Variants in MATN3 observed in about 807,000 individuals in gnomAD.
The protein encoded by MATN3 is matrilin 3.
Under a neutral mutation model 45.3 loss-of-function variants are expected in MATN3, and 48 were observed. The ratio of observed to expected loss-of-function variants is 1.06; its 90% CI spans 0.84 to 1.35. The LOEUF is 1.35. Among genes scored for constraint, MATN3 ranks in the 40% most tolerant of loss-of-function variants. The pLI is 0.00. For missense variants in MATN3, 599 were observed against 628.0 expected (o/e 0.95, Z 0.49); for synonymous variants, 217 against 245.9 (o/e 0.88, Z 1.10).
rs116138576 is a variant in MATN3 at position 20,002,803 on chromosome 2, C to T, written c.916+358G>A. Among the ~76,000 whole-genome samples, 318 of 151,996 alleles carry T rather than the reference C, an allele frequency of 2.1e-3. 2 individuals are homozygous for T. Among genetic ancestry groups the T allele is most frequent in the African/African-American group, 7.1e-3 (294 of 41,430 alleles). ...TATTTTTTGTAGAGATGGGGTCTCA[C>T]CATGTTCTCGAGGCTAATCTCGAAT... On this transcript the variant is annotated intron_variant, in intron 3 of 7. Coordinates refer to ENST00000407540, the MANE Select transcript of MATN3 (RefSeq NM_002381.5).
rs1301901352 is a variant in MATN3, at chr2:20,002,093, G to A, written c.917-13C>T. On this transcript the variant is annotated splice_polypyrimidine_tract_variant and intron_variant, in intron 3 of 7. Coordinates refer to ENST00000407540, the MANE Select transcript of MATN3 (RefSeq NM_002381.5). ...CACCTATCAAGAGCTATCAAAAGAT[G>A]ATTGGGACAAATGTAAATGCATGCA... 1 of 1,608,708 alleles carries A rather than the reference G, an allele frequency of 6.2e-7. No individual in the cohort carries two copies. The highest frequency in any genetic ancestry group is 1.3e-5 in the African/African-American group (1 of 74,750).
Position 19,995,025 on chromosome 2 carries a change from G to C in MATN3, c.1295-616C>G, listed in dbSNP as rs1672835626. On this transcript the variant is annotated intron_variant, in intron 6 of 7. Coordinates refer to ENST00000407540, the MANE Select transcript of MATN3 (RefSeq NM_002381.5). This position sits in a 1 kb window ranked among gnomAD's most constrained non-coding sequence, Gnocchi z 4.2. ...GGATCACTTGAGCCCAGGAGTTCAA[G>C]GCTGCAGTGAGCCATGATCACACCA... Among the ~76,000 whole-genome samples the C allele has an allele frequency of 1.3e-5, 2 of 152,184 alleles. No homozygotes were observed. The highest frequency in any genetic ancestry group is 6.5e-5 in the Admixed American group (1 of 15,286).
intron 2 of MATN3, chr2:20,003,989 A>G (rs1673043080): frequency 6.6e-6 from 1 of 152,238 alleles, no homozygotes; most frequent in Admixed American, 6.5e-5. Flanking sequence ...TCCTGGAGCC[A>G]TTTATATCTC....
intron 1 of MATN3, among the ~76,000 whole-genome samples, chr2:20,008,103 C>T (rs756571136): frequency 1.3e-5 from 2 of 152,162 alleles, no homozygotes; most frequent in Non-Finnish European, 2.9e-5. Context: ...GCTGGGACTA[C>T]AGGTGTGCGC....
rs780933792 is a variant in MATN3, at chr2:20,003,190, G to T, written c.887C>A (p.Thr296Asn). 6.2e-7 allele frequency: 1 copy of T among 1,613,892 alleles called. No individual in the cohort carries two copies. Among genetic ancestry groups the T allele is most frequent in the Admixed American group, 1.7e-5 (1 of 60,010 alleles). Residue 296 changes from threonine to asparagine, a missense_variant, in exon 3 of 8, where the codon ACC becomes AAC. Coordinates refer to ENST00000407540, the MANE Select transcript of MATN3 (RefSeq NM_002381.5). ...KHHCECSQGY[T>N]LNADKKTCSA... is the part of the protein sequence containing the mutation. ...ACACGTTTTCTTGTCGGCATTCAAGGTGTATCCTTGGCTACACTCACAGTG... is the reference window on the plus strand; with the variant it reads ...ACACGTTTTCTTGTCGGCATTCAAGTTGTATCCTTGGCTACACTCACAGTG...
At chr2:20,010,856 C>G (rs1055749240) in intron 1 of MATN3, among the ~76,000 whole-genome samples, 6 of 152,218 alleles carry the variant, frequency 3.9e-5, no homozygotes, top group Non-Finnish European at 4.4e-5. Flanking sequence ...AAACTAATAC[C>G]TGAGGCTTGA....
At chr2:20,009,480 G>C (rs1673176025) in intron 1 of MATN3, among the ~76,000 whole-genome samples, 1 of 151,958 alleles carries the variant, frequency 6.6e-6, no homozygotes, top group Admixed American at 6.6e-5. Flanking sequence ...CGCCTGTCAG[G>C]GGGTGGGGGG....
In MATN3 at chr2:19,997,060, A is replaced by C. The variant is rs527634322; in HGVS notation, c.1294+74T>G. The C allele has an allele frequency of 4.6e-5, 69 of 1,503,086 alleles. 1 individual carries two copies. In the South Asian group the frequency reaches 7.9e-4, roughly 17 times the overall value. 93.1% of individuals were successfully genotyped at this position (1,503,086 alleles called of 1,614,324 possible). Reference sequence around the variant, plus strand: ...GGAGAAAGAATCACAACTGTGTCTTAGACAGAAAGAAAAAAGCTTGCTCCT... The same window carrying C: ...GGAGAAAGAATCACAACTGTGTCTTCGACAGAAAGAAAAAAGCTTGCTCCT... On this transcript the variant is annotated intron_variant, in intron 6 of 7. Transcript: ENST00000407540.
intron 1 of MATN3, among the ~76,000 whole-genome samples, chr2:20,010,752 A>G (rs1186229196): frequency 6.6e-6 from 1 of 152,244 alleles, no homozygotes; most frequent in Non-Finnish European, 1.5e-5. Context: ...CAGTGAGACC[A>G]GGGTCAGACT....
chr2:20,001,817 G>A, intron 4 of MATN3, 138 bp downstream of exon 4: 1 of 736,596 alleles, frequency 1.4e-6, no homozygotes, highest in Non-Finnish European at 2.2e-6. Context: ...TTTTGGATAA[G>A]ACTTAAAAAT....
At chr2:20,005,596 A>G (rs1673081720) in intron 2 of MATN3, 148 bp downstream of exon 2, 3 of 679,598 alleles carry the variant, frequency 4.4e-6, no homozygotes, top group East Asian at 5.5e-5. Flanking sequence ...ACACGCGCGC[A>G]TGCACACGTG....
In MATN3 at chr2:19,996,355, T is replaced by A. The variant is rs58047200; in HGVS notation, c.1294+779A>T. Reference sequence around the variant, plus strand: ...AAGAAGACCTAAAATAAAATAAAATTAAATTAAATTAAAGACATACCATGT... The same window carrying A: ...AAGAAGACCTAAAATAAAATAAAATAAAATTAAATTAAAGACATACCATGT... On this transcript the variant is annotated intron_variant, in intron 6 of 7. Coordinates refer to ENST00000407540, the MANE Select transcript of MATN3 (RefSeq NM_002381.5). Among the ~76,000 whole-genome samples the A allele has an allele frequency of 7.1e-3, 1,082 of 152,030 alleles. 14 individuals are homozygous for A. Among genetic ancestry groups the A allele is most frequent in the African/African-American group, 0.025 (1,019 of 41,458 alleles).
rs1186841255 is a variant in MATN3 at position 19,993,069 on chromosome 2, A to C, written c.*42T>G. On this transcript the variant is annotated 3_prime_UTR_variant, in exon 8 of 8. Coordinates refer to ENST00000407540, the MANE Select transcript of MATN3 (RefSeq NM_002381.5). ...GCAAAAGAATGCATGAGTATTAAGT[A>C]CACCAAGCTGTCCACATTTTCAGGT... The C allele has an allele frequency of 3.3e-6, 5 of 1,519,134 alleles. No homozygotes were observed. Among genetic ancestry groups the C allele is most frequent in the Non-Finnish European group, 4.6e-6 (5 of 1,094,080 alleles). 94.1% of individuals were successfully genotyped at this position (1,519,134 alleles called of 1,614,324 possible).
At position 19,997,214 on chromosome 2, in the gene MATN3, C is replaced by CA; in HGVS notation, c.1213dup (p.Cys405LeufsTer4). On this transcript the variant is annotated frameshift_variant, in exon 6 of 8. Coordinates refer to ENST00000407540, the MANE Select transcript of MATN3 (RefSeq NM_002381.5). LOFTEE classifies it high-confidence loss of function. ...GTAGGATGCGGCCCCATCACTCACACAAATGTGCTGGCAACCATGAGAGCC... is the reference window on the plus strand; with the variant it reads ...GTAGGATGCGGCCCCATCACTCACACAAAATGTGCTGGCAACCATGAGAGCC... The CA allele has an allele frequency of 6.2e-7, 1 of 1,613,756 alleles. No homozygotes were observed.
At chr2:19,994,897 TG>T (rs374145811) in intron 6 of MATN3, among the ~76,000 whole-genome samples, 53 of 152,184 alleles carry the variant, frequency 3.5e-4, no homozygotes, top group African/African-American at 1.2e-3. Flanking sequence ...AAGACCACCC[TG>T]GGCAACGAAG....
At chr2:19,996,710 G>A (rs1471670749) in intron 6 of MATN3, among the ~76,000 whole-genome samples, 1 of 152,194 alleles carries the variant, frequency 6.6e-6, no homozygotes, top group Non-Finnish European at 1.5e-5. Flanking sequence ...GGGAGCGGGT[G>A]ATGGGCAGTT....
intron 5 of MATN3, among the ~76,000 whole-genome samples, chr2:19,999,520 T>A (rs1454825895): frequency 2.0e-5 from 3 of 151,800 alleles, no homozygotes; most frequent in African/African-American, 4.8e-5. Flanking sequence ...TCACCCAGAT[T>A]TAACTTGCTC....
intron 7 of MATN3, 103 bp from the exon 8 acceptor site, chr2:19,993,269 G>A: frequency 3.3e-6 from 3 of 918,096 alleles, no homozygotes; most frequent in Admixed American, 2.8e-5. Context: ...CCTATGAGAA[G>A]TGAAAAAAAA....
chr2:20,006,055 G>T lies in MATN3; in HGVS notation c.479C>A (p.Thr160Asn). ...VGRITPLSTG[T>N]MSGLAIQTAM... ...TGTCTGGATGGCTAGGCCTGACATG[G>T]TGCCTGTTGACAAGGGTGTGATTCG... is the stretch of plus-strand genomic sequence containing the variant. Residue 160 changes from threonine (T) to asparagine (N), a missense_variant, in exon 2 of 8, where the codon ACC becomes AAC. Coordinates refer to ENST00000407540, the MANE Select transcript of MATN3 (RefSeq NM_002381.5). 6.2e-7 allele frequency: 1 copy of T among 1,613,994 alleles called. No individual in the cohort carries two copies. The highest frequency in any genetic ancestry group is 8.5e-7 in the Non-Finnish European group (1 of 1,179,886).
Sources: allele counts gnomAD v4.1 joint callset (sites outside exome capture counted in the v4.1 genomes callset), GRCh38; gene constraint gnomAD v4.1.1; non-coding constraint Gnocchi (gnomAD v3.1); transcripts MANE v1.5; gene names NCBI Gene and HGNC (gene_info 2026-07-23, HGNC 2026-07-21).